Variants in GABBR2 observed in about 807,000 individuals in gnomAD.
GABBR2 encodes gamma-aminobutyric acid type B receptor subunit 2.
GABBR2 carries 23 observed loss-of-function variants against 105.6 expected under a neutral mutation model. The ratio of observed to expected loss-of-function variants is 0.22; its 90% CI spans 0.16 to 0.31. GABBR2 has a LOEUF of 0.31. Among genes scored for constraint, GABBR2 ranks in the 10% least tolerant of loss-of-function variants. The probability of loss-of-function intolerance (pLI) is 1.00; values close to 1 mark genes in which losing one functional copy is unlikely to be tolerated. For missense variants in GABBR2, 734 were observed against 1,245.5 expected, an observed-to-expected ratio of 0.59 and a Z score of 6.18; for synonymous variants, 478 against 499.7, an observed-to-expected ratio of 0.96 and a Z score of 0.58.
chr9:98,318,153 T>A (rs1356348554), intron 13 of GABBR2, among the ~76,000 whole-genome samples: 3 of 152,116 alleles, frequency 2.0e-5, no homozygotes, highest in Non-Finnish European at 4.4e-5. Context: ...GGCTTCTCAC[T>A]CGATAATGTG....
At position 98,502,389 on chromosome 9, in the gene GABBR2, C is replaced by A. The variant is rs573158040; in HGVS notation, c.631-5875G>T. Among the ~76,000 whole-genome samples, 10 of 152,306 alleles carry A rather than the reference C, an allele frequency of 6.6e-5. No homozygotes were observed. The South Asian group carries it at 2.1e-3, about 32-fold the overall frequency. On this transcript the variant is annotated intron_variant, in intron 3 of 18. Transcript: ENST00000259455. ...CCCTGCTCTGAAGCCTGCACCTCTCCATTAAACACAGAACAGCTGCCAGAG... is the reference window on the plus strand; with the variant it reads ...CCCTGCTCTGAAGCCTGCACCTCTCAATTAAACACAGAACAGCTGCCAGAG...
At chr9:98,500,659 C>T (rs1276940048) in intron 3 of GABBR2, among the ~76,000 whole-genome samples, 1 of 152,150 alleles carries the variant, frequency 6.6e-6, no homozygotes, top group East Asian at 1.9e-4. Context: ...GGGTCAGAGC[C>T]CCTGGAATAA....
intron 1 of GABBR2, among the ~76,000 whole-genome samples, chr9:98,593,708 G>A (rs1829181743): frequency 6.6e-6 from 1 of 152,172 alleles, no homozygotes; most frequent in South Asian, 2.1e-4. Context: ...ACGGGCCAGA[G>A]CTATCCCGAC....
At chr9:98,618,558 TTCTG>T (rs1278137519) in intron 1 of GABBR2, among the ~76,000 whole-genome samples, 3 of 150,870 alleles carry the variant, frequency 2.0e-5, no homozygotes, top group Non-Finnish European at 4.4e-5. Context: ...CTCTGAATAT[TTCTG>T]TCTATTTCTC....
chr9:98,390,839 T>C lies in GABBR2; in HGVS notation c.1379-1835A>G, dbSNP rs184291456. ...TATGATCACTACTGGGTTTGGGGCC[T>C]ATTGTATAGAAACAACTCCAGAAAA... On this transcript the variant is annotated intron_variant, in intron 9 of 18. Coordinates refer to ENST00000259455, the MANE Select transcript of GABBR2 (RefSeq NM_005458.8). Among the ~76,000 whole-genome samples, 326 of 152,306 alleles carry C rather than the reference T, an allele frequency of 2.1e-3. 3 individuals carry two copies. The highest frequency in any genetic ancestry group is 0.017 in the Middle Eastern group (5 of 294).
chr9:98,550,677 C>T (rs990416530), intron 2 of GABBR2, among the ~76,000 whole-genome samples: 3 of 152,196 alleles, frequency 2.0e-5, no homozygotes, highest in African/African-American at 7.2e-5. Context: ...CCCAGCTGTG[C>T]AAACTTAGGC....
chr9:98,448,046 G>A (rs1826166940), intron 7 of GABBR2, among the ~76,000 whole-genome samples: 1 of 151,994 alleles, frequency 6.6e-6, no homozygotes, highest in African/African-American at 2.4e-5. Context: ...GAGGTGAAAT[G>A]CCTGAACCTA....
At chr9:98,362,560 C>T (rs1034147893) in intron 13 of GABBR2, 155 bp downstream of exon 13, 5 of 463,572 alleles carry the variant, frequency 1.1e-5, no homozygotes, top group Admixed American at 8.6e-5. Context: ...TATATTTGGC[C>T]TCCCTGGAAT....
intron 8 of GABBR2, among the ~76,000 whole-genome samples, chr9:98,403,105 C>T (rs1285650249): frequency 6.6e-6 from 1 of 151,860 alleles, no homozygotes; most frequent in Non-Finnish European, 1.5e-5. Context: ...ACCAGCCTGG[C>T]CAATATGGTG....
chr9:98,539,641 G>A (rs796198374), intron 3 of GABBR2, among the ~76,000 whole-genome samples: 21 of 152,222 alleles, frequency 1.4e-4, no homozygotes, highest in African/African-American at 3.4e-4. Flanking sequence ...AGGTCTGGCC[G>A]GGCCCGGTGG....
intron 8 of GABBR2, among the ~76,000 whole-genome samples, chr9:98,399,728 G>C (rs1268811882): frequency 9.4e-6 from 1 of 106,784 alleles, no homozygotes; most frequent in Non-Finnish European, 1.9e-5. Context: ...TTAAGAACTT[G>C]AAGGCTCAAC....
intron 6 of GABBR2, among the ~76,000 whole-genome samples, chr9:98,458,310 GT>G (rs1262302466): frequency 6.6e-6 from 1 of 152,230 alleles, no homozygotes; most frequent in Non-Finnish European, 1.5e-5. Context: ...CCTGTGGGAG[GT>G]TTGAATCACA....
rs1027695103 is a variant in GABBR2, at chr9:98,289,513, A to G, written c.*1071T>C. 1 of 152,416 alleles carries G rather than the reference A, an allele frequency of 6.6e-6. No individual in the cohort carries two copies. Among genetic ancestry groups the G allele is most frequent in the African/African-American group, 2.4e-5 (1 of 41,378 alleles). 9.4% of individuals were successfully genotyped at this position (152,416 alleles called of 1,614,324 possible). ...GGGGAGAGCTCACTGGCTTGTCTGG[A>G]TGGAAGGCTGCCTTCTGGAAGCCAA... is the stretch of plus-strand genomic sequence containing the variant. On this transcript the variant is annotated 3_prime_UTR_variant, in exon 19 of 19. Transcript: ENST00000259455.
In GABBR2 at chr9:98,603,086, C is replaced by T. The variant is rs193065750; in HGVS notation, c.322-25014G>A. ...ACTACTGCTGGTATTCTTGTTGTTGCTAAGAAGACTGAATGCTCAGCAAAT... is the reference window on the plus strand; with the variant it reads ...ACTACTGCTGGTATTCTTGTTGTTGTTAAGAAGACTGAATGCTCAGCAAAT... On this transcript the variant is annotated intron_variant, in intron 1 of 18. Coordinates refer to ENST00000259455, the MANE Select transcript of GABBR2 (RefSeq NM_005458.8). 7.1e-4 allele frequency among the ~76,000 whole-genome samples: 108 copies of T among 152,318 alleles called. 1 individual carries two copies. Among genetic ancestry groups the T allele is most frequent in the African/African-American group, 2.4e-3 (100 of 41,554 alleles).
rs1826541366 is a variant in GABBR2, at chr9:98,465,951, C to A, written c.999+7195G>T. ...GCTGGGAGGTGACTGGATCATGGGG[C>A]AGGTTTTCCCCTTGCTGTTCTCATG... is the stretch of plus-strand genomic sequence containing the variant. On this transcript the variant is annotated intron_variant, in intron 6 of 18. Transcript: ENST00000259455. 3.9e-5 allele frequency among the ~76,000 whole-genome samples: 6 copies of A among 152,164 alleles called. No individual in the cohort carries two copies. The South Asian group carries it at 1.2e-3, about 31-fold the overall frequency.
At chr9:98,609,663 G>A (rs987316747) in intron 1 of GABBR2, among the ~76,000 whole-genome samples, 3 of 152,214 alleles carry the variant, frequency 2.0e-5, no homozygotes, top group African/African-American at 4.8e-5. Flanking sequence ...GGGAGATGGT[G>A]CTCAGGGCCT....
chr9:98,640,738 G>A (rs1309210804), intron 1 of GABBR2, among the ~76,000 whole-genome samples: 2 of 152,164 alleles, frequency 1.3e-5, no homozygotes, highest in African/African-American at 4.8e-5. Flanking sequence ...CATGGAGGAG[G>A]TTCCTTCTGA....
intron 2 of GABBR2, among the ~76,000 whole-genome samples, chr9:98,572,873 C>T (rs1001580464): frequency 3.3e-5 from 5 of 152,180 alleles, no homozygotes; most frequent in African/African-American, 1.2e-4. Context: ...CCCCAGCATG[C>T]CCCATCCACG....
At position 98,334,023 on chromosome 9, in the gene GABBR2, C is replaced by T. The variant is rs75817725; in HGVS notation, c.1894-22818G>A. Reference sequence around the variant, plus strand: ...AACAGTGCTTACCACATAGCATGCACTCAAGAAAAGCTGTTGCTATGATTA... The same window carrying T: ...AACAGTGCTTACCACATAGCATGCATTCAAGAAAAGCTGTTGCTATGATTA... On this transcript the variant is annotated intron_variant, in intron 13 of 18. Coordinates refer to ENST00000259455, the MANE Select transcript of GABBR2 (RefSeq NM_005458.8). 7.2e-3 allele frequency among the ~76,000 whole-genome samples: 1,103 copies of T among 152,296 alleles called. 11 individuals are homozygous for T. Among genetic ancestry groups the T allele is most frequent in the Non-Finnish European group, 0.01 (706 of 68,030 alleles).
Sources: gnomAD v4.1 joint callset for allele counts (sites outside exome capture counted in the v4.1 genomes callset) on GRCh38, gnomAD v4.1.1 for gene constraint, MANE v1.5 for transcripts, NCBI Gene and HGNC (gene_info 2026-07-23, HGNC 2026-07-21) for gene names.